Variants in USP32 observed in about 807,000 individuals in gnomAD.
USP32 encodes the protein ubiquitin specific peptidase 32.
USP32 carries 59 observed loss-of-function variants against 204.8 expected under a neutral mutation model. That is an observed-to-expected ratio of 0.29 (90% confidence interval 0.23 to 0.36). USP32 has a LOEUF of 0.36. Among genes scored for constraint, USP32 ranks in the 10% least tolerant of loss-of-function variants. USP32 has a pLI of 1.00. For missense variants in USP32, 1,160 were observed against 1,946.4 expected (o/e 0.60, Z 7.60); for synonymous variants, 517 against 678.4 (o/e 0.76, Z 3.70).
At position 60,236,226 on chromosome 17, in the gene USP32, C is replaced by T. The variant is rs1384339055; in HGVS notation, c.1151G>A (p.Arg384Gln). The change falls in exon 12 of 34, where the codon CGA becomes CAA. Residue 384 changes from arginine to glutamine, a missense_variant. Physicochemically the swap from Arg to Gln is conservative, Grantham distance 43. Around this residue, in one of 8 missense-constraint regions of USP32, gnomAD observed 536 missense variants for 680.9 expected, o/e 0.79. Coordinates refer to ENST00000300896, the MANE Select transcript of USP32 (RefSeq NM_032582.4). ...TGCTTGCAGACCATACCTGCTCTCT[C>T]GTTCTAACCATCCTCTGTATGTACA... ...EGQIIRGWLE[R>Q]ESRYGLQAGH... 5 of 1,613,662 alleles carry T rather than the reference C, an allele frequency of 3.1e-6. No homozygotes were observed. The highest frequency in any genetic ancestry group is 4.2e-6 in the Non-Finnish European group (5 of 1,179,802).
intron 1 of USP32, among the ~76,000 whole-genome samples, chr17:60,358,815 T>C (rs1328666075): frequency 6.6e-6 from 1 of 152,206 alleles, no homozygotes; most frequent in East Asian, 1.9e-4. Flanking sequence ...GGGGCACCAC[T>C]GACAACTAAG....
chr17:60,377,512 T>G (rs2089570033), intron 1 of USP32, among the ~76,000 whole-genome samples: 1 of 152,146 alleles, frequency 6.6e-6, no homozygotes, highest in African/African-American at 2.4e-5. Context: ...ATTTCAGAAT[T>G]CATAAAGATA....
chr17:60,215,124 C>T (rs138849671), intron 16 of USP32, among the ~76,000 whole-genome samples: 3,206 of 152,202 alleles, frequency 0.021, 133 homozygotes, highest in African/African-American at 0.073. Context: ...CACGCCACCA[C>T]ATCTGGCTAA....
chr17:60,180,585 G>C lies in USP32; in HGVS notation c.4601C>G (p.Pro1534Arg), dbSNP rs1375600489. The change falls in exon 33 of 34, where the codon CCA becomes CGA. Residue 1534 changes from proline to arginine, a missense_variant. By Grantham distance (103) the Pro-to-Arg change is moderately radical (BLOSUM62 -2). This residue lies in a region of USP32 where 244 missense variants were observed against 342.3 expected (regional missense o/e 0.71). Transcript: ENST00000300896. ...GGHYVTYAKN[P>R]NCKWYCYNDS... is the part of the protein sequence containing the mutation. Reference sequence around the variant, plus strand: ...ATTGTAACAGTACCACTTGCAGTTTGGGTTTTTGGCATAAGTGACGTAATG... The same window carrying C: ...ATTGTAACAGTACCACTTGCAGTTTCGGTTTTTGGCATAAGTGACGTAATG... 6.2e-7 allele frequency: 1 copy of C among 1,613,650 alleles called. No individual in the cohort carries two copies. The highest frequency in any genetic ancestry group is 8.5e-7 in the Non-Finnish European group (1 of 1,179,780).
At chr17:60,282,039 A>G (rs1476853262) in intron 5 of USP32, among the ~76,000 whole-genome samples, 1 of 152,238 alleles carries the variant, frequency 6.6e-6, no homozygotes, top group Non-Finnish European at 1.5e-5. Context: ...CTCAACTAAG[A>G]TGCCAGCAAA....
chr17:60,403,462 G>A (rs141020011), intron 1 of USP32, among the ~76,000 whole-genome samples: 39 of 152,186 alleles, frequency 2.6e-4, no homozygotes, highest in Non-Finnish European at 2.5e-4. Flanking sequence ...GTCTGCCCTC[G>A]GGTTACAATT....
rs1315615059 is a variant in USP32, at chr17:60,278,909, T to C, written c.572-7428A>G. Among the ~76,000 whole-genome samples, 6 of 152,314 alleles carry C rather than the reference T, an allele frequency of 3.9e-5. No individual in the cohort carries two copies. The East Asian group carries it at 9.6e-4, about 24-fold the overall frequency. ...AACTAATTACATTTTAACTTTATAG[T>C]CTGTCTCTCCAAACTCCAACACTGT... On this transcript the variant is annotated intron_variant, in intron 5 of 33. Transcript: ENST00000300896.
intron 1 of USP32, among the ~76,000 whole-genome samples, chr17:60,379,675 C>G (rs2089613164): frequency 6.6e-6 from 1 of 152,224 alleles, no homozygotes; most frequent in African/African-American, 2.4e-5. Context: ...TTATAAACTT[C>G]AGTCACATTG....
At position 60,376,769 on chromosome 17, in the gene USP32, G is replaced by C. The variant is rs913788706; in HGVS notation, c.58+15113C>G. On this transcript the variant is annotated intron_variant, in intron 1 of 33. Coordinates refer to ENST00000300896, the MANE Select transcript of USP32 (RefSeq NM_032582.4). ...ACTCCTGACTTCAAGTGATCCGCCC[G>C]ACTCCACCTCCCAAAGTGCTGGGAT... is the stretch of plus-strand genomic sequence containing the variant. Among the ~76,000 whole-genome samples, 15 of 151,972 alleles carry C rather than the reference G, an allele frequency of 9.9e-5. No homozygotes were observed. In the East Asian group the frequency reaches 2.9e-3, roughly 30 times the overall value.
intron 1 of USP32, among the ~76,000 whole-genome samples, chr17:60,374,542 C>T (rs1011844972): frequency 4.6e-5 from 7 of 152,006 alleles, no homozygotes; most frequent in African/African-American, 1.2e-4. Flanking sequence ...GGACCACAGG[C>T]GTGTGCCTAA....
rs1297133476 is a variant in USP32 at position 60,178,816 on chromosome 17, C to A, written c.*439G>T. 1.3e-5 allele frequency among the ~76,000 whole-genome samples: 2 copies of A among 152,218 alleles called. No individual in the cohort carries two copies. Among genetic ancestry groups the A allele is most frequent in the African/African-American group, 4.8e-5 (2 of 41,460 alleles). On this transcript the variant is annotated 3_prime_UTR_variant, in exon 34 of 34. Transcript: ENST00000300896. ...TTGTCAATATAATGGAATAAAACTT[C>A]AGGAAAAAGGAGGTAGCATATCATG... is the stretch of plus-strand genomic sequence containing the variant.
At chr17:60,217,196 G>A (rs1486395192) in intron 16 of USP32, among the ~76,000 whole-genome samples, 1 of 152,148 alleles carries the variant, frequency 6.6e-6, no homozygotes, top group East Asian at 1.9e-4. Flanking sequence ...AACAAATCTA[G>A]TGGAATTTAT....
chr17:60,221,508 C>CTT (rs938743111), intron 15 of USP32, among the ~76,000 whole-genome samples: 1 of 142,206 alleles, frequency 7.0e-6, no homozygotes, highest in Non-Finnish European at 1.5e-5. Context: ...GTGTTTCTTT[C>CTT]TTTTTTTTTT....
At chr17:60,363,470 A>AAAGC (rs2089252213) in intron 1 of USP32, among the ~76,000 whole-genome samples, 1 of 149,276 alleles carries the variant, frequency 6.7e-6, no homozygotes, top group Non-Finnish European at 1.5e-5. Context: ...AAAAAAAAAA[A>AAAGC]AAGCGCCACT....
intron 1 of USP32, among the ~76,000 whole-genome samples, chr17:60,360,384 C>T (rs1407128467): frequency 6.6e-6 from 1 of 151,992 alleles, no homozygotes; most frequent in African/African-American, 2.4e-5. Context: ...GTATTACAGG[C>T]GCAGTGGCTC....
intron 2 of USP32, among the ~76,000 whole-genome samples, chr17:60,321,441 A>T (rs1277952588): frequency 1.3e-5 from 2 of 152,176 alleles, no homozygotes; most frequent in African/African-American, 4.8e-5. Flanking sequence ...TCAGAATCTC[A>T]TAACACAATA....
Position 60,183,305 on chromosome 17 carries a change from T to C in USP32, c.3983A>G (p.Gln1328Arg), listed in dbSNP as rs768544066. 5.0e-6 allele frequency: 8 copies of C among 1,613,818 alleles called. No homozygotes were observed. The South Asian group carries it at 6.6e-5, about 13-fold the overall frequency. Residue 1328 changes from glutamine to arginine, a missense_variant, in exon 31 of 34, where the codon CAG (glutamine) becomes CGG (arginine). This residue lies in a region of USP32 where 244 missense variants were observed against 342.3 expected (regional missense o/e 0.71). Coordinates refer to ENST00000300896, the MANE Select transcript of USP32 (RefSeq NM_032582.4). ...ALCQHKPLTP[Q>R]GDELSEPRIL... ...CCTGGGCTCAGAGAGCTCATCCCCC[T>C]GGGGTGTGAGTGGTTTATGCTGGCA...
At chr17:60,315,465 G>A (rs896094797) in intron 2 of USP32, among the ~76,000 whole-genome samples, 1 of 152,138 alleles carries the variant, frequency 6.6e-6, no homozygotes, top group Non-Finnish European at 1.5e-5. Context: ...AAAAACCCCT[G>A]CAACATCTAT....
In USP32 at chr17:60,178,805, G is replaced by C. The variant is rs1292042426; in HGVS notation, c.*450C>G. ...CTTTCTCCATCTTGTCAATATAATG[G>C]AATAAAACTTCAGGAAAAAGGAGGT... On this transcript the variant is annotated 3_prime_UTR_variant, in exon 34 of 34. Coordinates refer to ENST00000300896, the MANE Select transcript of USP32 (RefSeq NM_032582.4). Among the ~76,000 whole-genome samples, 1 of 152,206 alleles carries C rather than the reference G, an allele frequency of 6.6e-6. No individual in the cohort carries two copies. The highest frequency in any genetic ancestry group is 2.4e-5 in the African/African-American group (1 of 41,452).
Sources: allele counts gnomAD v4.1 joint callset (sites outside exome capture counted in the v4.1 genomes callset), GRCh38; gene constraint gnomAD v4.1.1; regional missense constraint gnomAD v4.1.1; transcripts MANE v1.5; gene names NCBI Gene and HGNC (gene_info 2026-07-23, HGNC 2026-07-21).